SLBP: variants seen among roughly 807,000 people sequenced by gnomAD.
SLBP encodes the protein histone RNA hairpin-binding protein.
SLBP carries 29 observed loss-of-function variants against 39.2 expected under a neutral mutation model. The ratio of observed to expected loss-of-function variants is 0.74; its 90% CI spans 0.55 to 1.01. SLBP has a LOEUF of 1.01. Ranked by LOEUF, SLBP falls within the 50% of genes least tolerant of loss-of-function variation. The probability of loss-of-function intolerance (pLI) is 0.00; values close to 1 mark genes in which losing one functional copy is unlikely to be tolerated. For missense variants in SLBP, 390 were observed against 350.2 expected (o/e 1.11, Z -0.91); for synonymous variants, 129 against 118.7 (o/e 1.09, Z -0.57).
At chr4:1,696,089 C>A in intron 6 of SLBP, 113 bp downstream of exon 6, 1 of 883,514 alleles carries the variant, frequency 1.1e-6, no homozygotes, top group Non-Finnish European at 1.7e-6. Flanking sequence ...TGCTCTGCTC[C>A]CCAACAGCTG....
At chr4:1,708,896 A>G (rs1180659841) in intron 2 of SLBP, among the ~76,000 whole-genome samples, 1 of 152,242 alleles carries the variant, frequency 6.6e-6, no homozygotes, top group Non-Finnish European at 1.5e-5. Context: ...GAATGAGGAC[A>G]CCAAAAACTT....
chr4:1,708,885 G>A (rs1716623608), intron 2 of SLBP, among the ~76,000 whole-genome samples: 1 of 152,162 alleles, frequency 6.6e-6, no homozygotes, highest in African/African-American at 2.4e-5. Flanking sequence ...TATAGTTTGA[G>A]GAATGAGGAC....
At chr4:1,709,481 A>T (rs1273551364) in intron 2 of SLBP, among the ~76,000 whole-genome samples, 2 of 152,198 alleles carry the variant, frequency 1.3e-5, no homozygotes, top group Admixed American at 6.5e-5. Flanking sequence ...CTCCTAGTTA[A>T]GCCCGCTCCC....
At chr4:1,707,987 G>A (rs571084769) in intron 2 of SLBP, among the ~76,000 whole-genome samples, 1 of 151,716 alleles carries the variant, frequency 6.6e-6, no homozygotes, top group South Asian at 2.1e-4. Flanking sequence ...GCTGAGGCAG[G>A]AGAATTGCTT....
intron 7 of SLBP, among the ~76,000 whole-genome samples, chr4:1,694,263 A>G (rs1349765892): frequency 6.6e-6 from 1 of 152,014 alleles, no homozygotes; most frequent in East Asian, 1.9e-4. Context: ...TTGTATTTTT[A>G]GTAGAGACTG....
chr4:1,706,525 T>A (rs753010501), intron 2 of SLBP, among the ~76,000 whole-genome samples: 1 of 152,130 alleles, frequency 6.6e-6, no homozygotes, highest in African/African-American at 2.4e-5. Flanking sequence ...GGGAAATTTA[T>A]GGCCAGGCAG....
chr4:1,696,474 G>GATCT, intron 5 of SLBP, 123 bp from the exon 6 acceptor site: 1 of 806,562 alleles, frequency 1.2e-6, no homozygotes, highest in Non-Finnish European at 1.8e-6. Flanking sequence ...CAGGCATGGT[G>GATCT]GCTCATGCCT....
intron 5 of SLBP, among the ~76,000 whole-genome samples, chr4:1,697,187 A>G (rs1260938427): frequency 3.8e-5 from 5 of 132,038 alleles, no homozygotes; most frequent in Non-Finnish European, 8.1e-5. Context: ...AAAAAAAAAA[A>G]GCCGGGCACA....
intron 2 of SLBP, among the ~76,000 whole-genome samples, chr4:1,711,050 T>C (rs1716745760): frequency 8.4e-6 from 1 of 118,826 alleles, no homozygotes; most frequent in Non-Finnish European, 1.7e-5. Context: ...GACCCTGTCT[T>C]TAAAAAAAAA....
intron 2 of SLBP, among the ~76,000 whole-genome samples, chr4:1,710,529 G>T (rs1716710854): frequency 6.6e-6 from 1 of 152,188 alleles, no homozygotes; most frequent in Admixed American, 6.5e-5. Context: ...AAGAGTCTGT[G>T]GTCTGTGCCT....
In SLBP at chr4:1,711,859, G is replaced by C. The variant is rs62285070; in HGVS notation, c.176+15C>G. ...AGGGCCCCACCGCGCCCCGACCCCC[G>C]GGTCCCGCGCCCACCTCTCGGGTCT... On this transcript the variant is annotated intron_variant, in intron 2 of 7. Coordinates refer to ENST00000489418, the MANE Select transcript of SLBP (RefSeq NM_006527.4). 1 of 1,282,510 alleles carries C rather than the reference G, an allele frequency of 7.8e-7. No homozygotes were observed. The highest frequency in any genetic ancestry group is 9.9e-7 in the Non-Finnish European group (1 of 1,007,666). 79.4% of individuals were successfully genotyped at this position (1,282,510 alleles called of 1,614,324 possible).
intron 2 of SLBP, among the ~76,000 whole-genome samples, chr4:1,707,422 C>G (rs1447823096): frequency 6.6e-6 from 1 of 151,070 alleles, no homozygotes; most frequent in Non-Finnish European, 1.5e-5. Flanking sequence ...AGGAGAATCA[C>G]TTGAACCTGG....
At chr4:1,708,456 A>G (rs1018871221) in intron 2 of SLBP, among the ~76,000 whole-genome samples, 9 of 152,264 alleles carry the variant, frequency 5.9e-5, no homozygotes, top group African/African-American at 2.2e-4. Context: ...TAAAAATGGT[A>G]GAAAGTTATG....
chr4:1,711,801 G>T, intron 2 of SLBP, 73 bp downstream of exon 2: 2 of 758,018 alleles, frequency 2.6e-6, no homozygotes, highest in Non-Finnish European at 3.7e-6. Context: ...CCGCGAGAGC[G>T]CGACGAGGTC....
chr4:1,697,154 A>G (rs1367272786), intron 5 of SLBP, among the ~76,000 whole-genome samples: 1 of 100,948 alleles, frequency 9.9e-6, no homozygotes, highest in African/African-American at 3.9e-5. Flanking sequence ...GCAAGACTCC[A>G]CCTTAAAAAA....
chr4:1,706,125 A>C (rs368042305), intron 2 of SLBP, among the ~76,000 whole-genome samples: 1 of 152,244 alleles, frequency 6.6e-6, no homozygotes, highest in South Asian at 2.1e-4. Context: ...TCTCTAATAA[A>C]AATACAAAAA....
chr4:1,712,035 C>T (rs538686179), intron 1 of SLBP, 45 bp from the exon 2 acceptor site: 7 of 1,247,944 alleles, frequency 5.6e-6, no homozygotes, highest in Non-Finnish European at 7.0e-6. Flanking sequence ...GGTTCGGGAC[C>T]GCCTTACAAC....
intron 3 of SLBP, among the ~76,000 whole-genome samples, chr4:1,703,303 T>C (rs920692511): frequency 3.0e-4 from 46 of 151,232 alleles, no homozygotes; most frequent in African/African-American, 8.3e-4. Flanking sequence ...AGTAACACCA[T>C]TGTGCACCTA....
intron 2 of SLBP, among the ~76,000 whole-genome samples, chr4:1,709,813 G>A (rs1048185183): frequency 3.9e-5 from 6 of 152,124 alleles, no homozygotes; most frequent in Non-Finnish European, 5.9e-5. Context: ...GGTTTTCACC[G>A]TGTTAGCCAG....
Sources: allele counts gnomAD v4.1 joint callset (sites outside exome capture counted in the v4.1 genomes callset), GRCh38; gene constraint gnomAD v4.1.1; transcripts MANE v1.5; gene names NCBI Gene and HGNC (gene_info 2026-07-23, HGNC 2026-07-21).